Variants in TMPRSS6 observed in about 807,000 individuals in gnomAD.
TMPRSS6 encodes transmembrane serine protease 6.
TMPRSS6 carries 67 observed loss-of-function variants against 101.5 expected under a neutral mutation model. That is an observed-to-expected ratio of 0.66 (90% CI 0.54 to 0.81). The LOEUF is 0.81. Among genes scored for constraint, TMPRSS6 ranks in the 30% least tolerant of loss-of-function variants. The probability of loss-of-function intolerance (pLI) is 0.00; values close to 1 mark genes in which losing one functional copy is unlikely to be tolerated. For synonymous variants in TMPRSS6, 453 were observed against 464.9 expected (o/e 0.97, Z 0.33); for missense variants, 1,034 against 1,088.7 (o/e 0.95, Z 0.71).
chr22:37,105,403 G>A (rs1414394163), intron 1 of TMPRSS6, among the ~76,000 whole-genome samples: 2 of 152,210 alleles, frequency 1.3e-5, no homozygotes, highest in African/African-American at 4.8e-5. Context: ...TTCCTCAAAT[G>A]TTCACAGCAT....
chr22:37,109,917 G>A (rs1177605518), upstream of TMPRSS6, among the ~76,000 whole-genome samples: 1 of 152,046 alleles, frequency 6.6e-6, no homozygotes, highest in African/African-American at 2.4e-5. Context: ...CCAAGGACTG[G>A]GGACTGTGCA....
chr22:37,079,150 G>A (rs922268055), intron 10 of TMPRSS6, among the ~76,000 whole-genome samples: 2 of 152,138 alleles, frequency 1.3e-5, no homozygotes, highest in Non-Finnish European at 1.5e-5. Context: ...CTCTGGGGGA[G>A]GGTGCACATT....
intron 5 of TMPRSS6, 44 bp downstream of exon 5, chr22:37,095,862 C>A (rs776820097): frequency 6.2e-7 from 1 of 1,611,010 alleles, no homozygotes; most frequent in Non-Finnish European, 8.5e-7. Context: ...TTGTTTCCCC[C>A]AACCTCATGA....
At chr22:37,087,363 G>A (rs1018672409) in intron 7 of TMPRSS6, among the ~76,000 whole-genome samples, 1 of 152,230 alleles carries the variant, frequency 6.6e-6, no homozygotes, top group Admixed American at 6.5e-5. Flanking sequence ...GGTGCTGCTG[G>A]AGGGATTTCA....
intron 16 of TMPRSS6, among the ~76,000 whole-genome samples, chr22:37,067,196 C>T (rs1160406379): frequency 6.6e-6 from 1 of 152,190 alleles, no homozygotes; most frequent in Non-Finnish European, 1.5e-5. Context: ...GAGGGCCGGG[C>T]ACGGTGGCTC....
Position 37,065,773 on chromosome 22 carries a change from G to A in TMPRSS6, c.*307C>T. On this transcript the variant is annotated 3_prime_UTR_variant, in exon 18 of 18. Transcript: ENST00000676104. ...GGGATGTAGAACCAGCATTCTTGCT[G>A]CTGAGCCACTGCCTTGCATTAGGCA... 2.2e-6 allele frequency: 1 copy of A among 450,012 alleles called. No individual in the cohort carries two copies. Among genetic ancestry groups the A allele is most frequent in the Non-Finnish European group, 4.1e-6 (1 of 242,804 alleles). 27.9% of individuals were successfully genotyped at this position (450,012 alleles called of 1,614,324 possible). A position where few individuals can be genotyped will look rare whatever the true frequency, so the allele number is the denominator to read the frequency against.
chr22:37,081,974 G>T (rs189623779), intron 10 of TMPRSS6, among the ~76,000 whole-genome samples: 1 of 152,202 alleles, frequency 6.6e-6, no homozygotes, highest in Non-Finnish European at 1.5e-5. Flanking sequence ...TCTCCCATCC[G>T]TGTTCCACAC....
In TMPRSS6 at chr22:37,103,804, C is replaced by G; in HGVS notation, c.-1-386G>C. 1.7e-6 allele frequency: 1 copy of G among 590,082 alleles called. No individual in the cohort carries two copies. Among genetic ancestry groups the G allele is most frequent in the African/African-American group, 1.9e-5 (1 of 53,784 alleles). The allele number at this position is 590,082 out of a possible 1,614,324, so 36.6% of individuals were successfully genotyped here. ...TTCTGTAGACATCTGACCTCTTGCC[C>G]TCATTTCCCGTCCACGCAAGGAATG... On this transcript the variant is annotated intron_variant, in intron 1 of 17. Transcript: ENST00000676104. The surrounding 1 kb of genome is among the most constrained non-coding windows in gnomAD (Gnocchi z 4.4).
chr22:37,066,470 C>T (rs1401397793), intron 17 of TMPRSS6, among the ~76,000 whole-genome samples: 3 of 152,234 alleles, frequency 2.0e-5, no homozygotes, highest in South Asian at 2.1e-4. Context: ...GTCCCCACGC[C>T]CCCACTCTGC....
chr22:37,098,499 C>A lies in TMPRSS6; in HGVS notation c.253G>T (p.Val85Leu). 1 of 1,614,104 alleles carries A rather than the reference C, an allele frequency of 6.2e-7. No homozygotes were observed. Among genetic ancestry groups the A allele is most frequent in the African/African-American group, 1.3e-5 (1 of 74,990 alleles). The change falls in exon 3 of 18, where the codon GTA becomes TTA. Residue 85 changes from valine (V) to leucine (L), a missense_variant. By Grantham distance (32) the Val-to-Leu change is conservative (BLOSUM62 1). Transcript: ENST00000676104. ...TCCTGGGAGAAGTGGCGATTGAGTA[C>A]ACGCAGACTGCCTGAGTACACCTGG... ...VSQVYSGSLR[V>L]LNRHFSQDLT... is the part of the protein sequence containing the mutation.
intron 2 of TMPRSS6, among the ~76,000 whole-genome samples, chr22:37,100,842 G>T (rs1304849181): frequency 6.6e-6 from 1 of 152,214 alleles, no homozygotes; most frequent in Non-Finnish European, 1.5e-5. Flanking sequence ...CCACCCATCA[G>T]CAGGGACACA....
At chr22:37,074,735 G>T (rs1458039755) in intron 11 of TMPRSS6, 27 bp from the exon 12 acceptor site, 1 of 1,608,572 alleles carries the variant, frequency 6.2e-7, no homozygotes, top group Non-Finnish European at 8.5e-7. Flanking sequence ...GACCGTGGAG[G>T]CAGGCAGGGC....
At chr22:37,098,099 A>ACCGTCCTGTAACGGAGGGGCAGGG (rs1929979523) in intron 3 of TMPRSS6, among the ~76,000 whole-genome samples, 1 of 77,768 alleles carries the variant, frequency 1.3e-5, no homozygotes, top group African/African-American at 6.1e-5. Flanking sequence ...GAGGGGGAGG[A>ACCGTCCTGTAACGGAGGGGCAGGG]GCGGGCCACC....
chr22:37,093,883 C>G (rs1020549195), intron 6 of TMPRSS6, among the ~76,000 whole-genome samples: 1 of 151,866 alleles, frequency 6.6e-6, no homozygotes, highest in Non-Finnish European at 1.5e-5. Context: ...ATTAGCCAGG[C>G]ATGGTGGCAG....
intron 2 of TMPRSS6, among the ~76,000 whole-genome samples, chr22:37,102,584 C>T (rs1930416258): frequency 2.0e-5 from 3 of 152,178 alleles, no homozygotes; most frequent in Admixed American, 2.0e-4. Flanking sequence ...AATTGCTCCC[C>T]GGGCACCAGG....
chr22:37,095,814 C>A, intron 5 of TMPRSS6, 92 bp downstream of exon 5: 1 of 1,532,504 alleles, frequency 6.5e-7, no homozygotes. Context: ...GACAGCACCC[C>A]AGGCCTGGCA....
chr22:37,073,551 G>T lies in TMPRSS6; in HGVS notation c.1536C>A (p.Asp512Glu), dbSNP rs4820268. Residue 512 changes from aspartate to glutamate, a missense_variant, in exon 13 of 18, where the codon GAC (aspartate) becomes GAA (glutamate). Coordinates refer to ENST00000676104, the MANE Select transcript of TMPRSS6 (RefSeq NM_001374504.1). ...DGQPDCLNGS[D>E]EEQCQEGVPC... ...CCCTACCTTCCTGGCACTGCTCTTCGTCGCTGCCGTTGAGACAATCAGGCT... is the reference window on the plus strand; with the variant it reads ...CCCTACCTTCCTGGCACTGCTCTTCTTCGCTGCCGTTGAGACAATCAGGCT... 1.2e-6 allele frequency: 2 copies of T among 1,613,228 alleles called. No homozygotes were observed. The highest frequency in any genetic ancestry group is 1.7e-6 in the Non-Finnish European group (2 of 1,179,420).
intron 4 of TMPRSS6, 133 bp downstream of exon 4, chr22:37,096,515 C>G: frequency 9.8e-7 from 1 of 1,020,704 alleles, no homozygotes; most frequent in Admixed American, 2.0e-5. Flanking sequence ...ATGCAGGAAG[C>G]CAAGTTCCCT....
At chr22:37,087,059 T>C (rs1438607763) in intron 7 of TMPRSS6, among the ~76,000 whole-genome samples, 1 of 152,150 alleles carries the variant, frequency 6.6e-6, no homozygotes, top group African/African-American at 2.4e-5. Context: ...CTACCGGCAG[T>C]CCATGGCAGA....
Sources: allele counts gnomAD v4.1 joint callset (sites outside exome capture counted in the v4.1 genomes callset), GRCh38; gene constraint gnomAD v4.1.1; non-coding constraint Gnocchi (gnomAD v3.1); transcripts MANE v1.5; gene names NCBI Gene and HGNC (gene_info 2026-07-23, HGNC 2026-07-21).